ZP3: variants seen among roughly 807,000 people sequenced by gnomAD.
ZP3 encodes the protein zona pellucida sperm-binding protein 3.
Under a neutral mutation model 35.6 loss-of-function variants are expected in ZP3, and 21 were observed. The observed-to-expected ratio is 0.59, with a 90% confidence interval of 0.42 to 0.85. ZP3 has a LOEUF of 0.85. Ranked by LOEUF, ZP3 falls within the 40% of genes least tolerant of loss-of-function variation. The probability of loss-of-function intolerance (pLI) is 0.00; values close to 1 mark genes in which losing one functional copy is unlikely to be tolerated. For missense variants in ZP3, 437 were observed against 536.5 expected (o/e 0.81, Z 1.83); for synonymous variants, 207 against 214.5 (o/e 0.96, Z 0.31).
At chr7:76,416,953 T>TACACATACATATGTATACATAC (rs1554623917) in intron 1 of ZP3, among the ~76,000 whole-genome samples, 6,468 of 119,172 alleles carry the variant, frequency 0.054, 321 homozygotes, top group African/African-American at 0.18. Context: ...TACATATATA[T>TACACATACATATGTATACATAC]ATATATATAT....
intron 1 of ZP3, chr7:76,404,277 A>G (rs367643094): frequency 3.3e-6 from 5 of 1,521,150 alleles, no homozygotes; most frequent in South Asian, 1.3e-5. Context: ...AGAAAGAGGA[A>G]GTGGCAAGGG....
chr7:76,430,397 T>C (rs1584062337), intron 2 of ZP3, among the ~76,000 whole-genome samples: 1 of 151,976 alleles, frequency 6.6e-6, no homozygotes. Context: ...CAGCATGGGG[T>C]GCAGGGGACT....
chr7:76,424,275 C>A (rs1166301890), upstream of ZP3, among the ~76,000 whole-genome samples: 4 of 152,110 alleles, frequency 2.6e-5, no homozygotes, highest in Non-Finnish European at 4.4e-5. Context: ...ACCAGGCAGG[C>A]AGCACACTCT....
intron 5 of ZP3, among the ~76,000 whole-genome samples, chr7:76,439,440 C>G (rs1372222507): frequency 6.6e-6 from 1 of 151,580 alleles, no homozygotes; most frequent in Admixed American, 6.6e-5. Flanking sequence ...GCACGGATAG[C>G]TGGCACCTGT....
At position 76,440,280 on chromosome 7, in the gene ZP3, C is replaced by T. The variant is rs1191408098; in HGVS notation, c.862C>T (p.Leu288=). The T allele has an allele frequency of 6.2e-7, 1 of 1,611,438 alleles. No homozygotes were observed. The change falls in exon 6 of 8, where the codon CTA becomes TTA. Residue 288 remains leucine, a synonymous_variant. Transcript: ENST00000394857. ...CATCACCTGCCACCTGAAGGTCACC[C>T]TAGCTGAGCAGGACCCAGATGAACT... ...IYITCHLKVT[L]AEQDPDELNK...
At chr7:76,412,552 T>C (rs909864563) in intron 1 of ZP3, among the ~76,000 whole-genome samples, 1 of 152,230 alleles carries the variant, frequency 6.6e-6, no homozygotes, top group Non-Finnish European at 1.5e-5. Flanking sequence ...TATAATTTTA[T>C]GGAAGATGTA....
intron 5 of ZP3, among the ~76,000 whole-genome samples, chr7:76,437,578 C>T (rs1394046820): frequency 9.2e-5 from 14 of 151,576 alleles, no homozygotes; most frequent in African/African-American, 3.4e-4. Context: ...TTCCCATCTC[C>T]CAGGTTCAAG....
chr7:76,418,542 T>C lies in ZP3; in HGVS notation c.-66-6510T>C, dbSNP rs1275711597. On this transcript the variant is annotated intron_variant, in intron 1 of 8. Transcript: ENST00000336517. ...CTCCAGCCTGGGCCACGGAGCGAGA[T>C]TTCATCTCAAAAAAAAAAAAAAAAA... is the stretch of plus-strand genomic sequence containing the variant. 4.8e-3 allele frequency among the ~76,000 whole-genome samples: 250 copies of C among 51,996 alleles called. No homozygotes were observed. The Middle Eastern group carries it at 0.062, about 13-fold the overall frequency. 34.1% of individuals were successfully genotyped at this position (51,996 alleles called of 152,430 possible). A position where few individuals can be genotyped will look rare whatever the true frequency, so the allele number is the denominator to read the frequency against.
chr7:76,400,056 T>C (rs986269916), intron 1 of ZP3, among the ~76,000 whole-genome samples: 1 of 152,152 alleles, frequency 6.6e-6, no homozygotes, highest in Admixed American at 6.5e-5. Flanking sequence ...AAGCCTTACA[T>C]AGAAGCAGTA....
chr7:76,417,996 G>T (rs1182541486), intron 1 of ZP3, among the ~76,000 whole-genome samples: 3 of 147,138 alleles, frequency 2.0e-5, no homozygotes, highest in Non-Finnish European at 4.4e-5. Context: ...GGAGTACAAT[G>T]ACACAATCTC....
At chr7:76,423,029 A>AAAGAAAGAG (rs1805551907), upstream of ZP3, among the ~76,000 whole-genome samples, 1 of 55,534 alleles carries the variant, frequency 1.8e-5, no homozygotes, top group Non-Finnish European at 3.6e-5. Context: ...GAGAGAGAGA[A>AAAGAAAGAG]AGAAAGAAAG....
At chr7:76,416,295 G>A (rs1353600291) in intron 1 of ZP3, among the ~76,000 whole-genome samples, 2 of 151,264 alleles carry the variant, frequency 1.3e-5, no homozygotes, top group Non-Finnish European at 2.9e-5. Flanking sequence ...CAAGTATGGT[G>A]GCGCACACCT....
At chr7:76,425,351 T>G in intron 1 of ZP3, 75 bp downstream of exon 1, 4 of 1,473,492 alleles carry the variant, frequency 2.7e-6, no homozygotes, top group Non-Finnish European at 3.6e-6. Flanking sequence ...GTGGCCACCA[T>G]CGGTGGGAGG....
chr7:76,401,297 C>T (rs1301782135), intron 1 of ZP3, among the ~76,000 whole-genome samples: 1 of 152,220 alleles, frequency 6.6e-6, no homozygotes, highest in Non-Finnish European at 1.5e-5. Context: ...ATCTGCACAT[C>T]TCAAACTAAT....
intron 5 of ZP3, among the ~76,000 whole-genome samples, chr7:76,438,210 G>A (rs1806082714): frequency 6.6e-6 from 1 of 152,118 alleles, no homozygotes; most frequent in Admixed American, 6.6e-5. Context: ...ACTGAGCCCT[G>A]GCTCTGTCAG....
intron 2 of ZP3, among the ~76,000 whole-genome samples, chr7:76,431,729 C>G (rs1805829782): frequency 6.6e-6 from 1 of 152,124 alleles, no homozygotes; most frequent in Non-Finnish European, 1.5e-5. Context: ...GAAACCCCGT[C>G]TCTACTAAAA....
chr7:76,426,096 A>AAG (rs1805642554), intron 1 of ZP3, among the ~76,000 whole-genome samples: 1 of 151,864 alleles, frequency 6.6e-6, no homozygotes, highest in South Asian at 2.1e-4. Context: ...AAAAAAAAAA[A>AAG]AATTCCACAT....
At chr7:76,401,426 C>G (rs933926743) in intron 1 of ZP3, among the ~76,000 whole-genome samples, 1 of 142,302 alleles carries the variant, frequency 7.0e-6, no homozygotes, top group Non-Finnish European at 1.6e-5. Context: ...CTTTTCTTTT[C>G]TTTTTTTGAG....
At position 76,434,139 on chromosome 7, in the gene ZP3, A is replaced by G. The variant is rs773712433; in HGVS notation, c.815A>G (p.Asn272Ser). 16 of 1,305,890 alleles carry G rather than the reference A, an allele frequency of 1.2e-5. 2 individuals are homozygous for G. The East Asian group carries it at 3.9e-4, about 32-fold the overall frequency. The allele number at this position is 1,305,890 out of a possible 1,614,324, so 80.9% of individuals were successfully genotyped here. Residue 272 changes from asparagine (N) to serine (S), a missense_variant, in exon 5 of 8, where the codon AAT becomes AGT. This residue lies in a region of ZP3 where 26 missense variants were observed against 78.2 expected (regional missense o/e 0.33). Transcript: ENST00000394857. ...ACAGTGGATGTCTTCCACTTTGCTA[A>G]TGACTCCAGAAACATGGTAAGAGCT... ...QFTVDVFHFA[N>S]DSRNMIYITC... is the part of the protein sequence containing the mutation.
Sources: gnomAD v4.1 joint callset for allele counts (sites outside exome capture counted in the v4.1 genomes callset) on GRCh38, gnomAD v4.1.1 for gene constraint, gnomAD v4.1.1 regional missense constraint, MANE v1.5 for transcripts, NCBI Gene and HGNC (gene_info 2026-07-23, HGNC 2026-07-21) for gene names.